MYO16: variants seen among roughly 807,000 people sequenced by gnomAD.
The protein encoded by MYO16 is myosin XVI.
In MYO16, 94 loss-of-function variants were observed where a neutral mutation model predicts 205.3. The observed-to-expected ratio is 0.46, with a 90% CI of 0.39 to 0.54. The LOEUF is 0.54. Among genes scored for constraint, MYO16 ranks in the 20% least tolerant of loss-of-function variants. MYO16 has a pLI of 0.00. For synonymous variants in MYO16, 988 were observed against 954.0 expected, an observed-to-expected ratio of 1.04 and a Z score of -0.66; for missense variants, 2,315 against 2,387.5, an observed-to-expected ratio of 0.97 and a Z score of 0.63.
chr13:108,857,131 G>A (rs1878222442), intron 11 of MYO16, among the ~76,000 whole-genome samples: 1 of 152,024 alleles, frequency 6.6e-6, no homozygotes, highest in African/African-American at 2.4e-5. Flanking sequence ...TTATCTTTCT[G>A]CTCCACAAAA....
At chr13:109,030,117 A>T (rs1886501784) in intron 23 of MYO16, among the ~76,000 whole-genome samples, 1 of 151,126 alleles carries the variant, frequency 6.6e-6, no homozygotes, top group Non-Finnish European at 1.5e-5. Flanking sequence ...GTTCCTAATA[A>T]CCTTCTTTGT....
intron 27 of MYO16, among the ~76,000 whole-genome samples, chr13:109,099,107 A>G (rs915258321): frequency 6.6e-6 from 1 of 152,100 alleles, no homozygotes; most frequent in Non-Finnish European, 1.5e-5. Flanking sequence ...CCTCATCTTC[A>G]AGGCTCTCGT....
the MYO16 span, among the ~76,000 whole-genome samples, chr13:108,519,077 A>C: frequency 6.6e-6 from 1 of 152,200 alleles, no homozygotes. Context: ...ATAGAAAAAA[A>C]AAGAAATTGT....
At chr13:108,662,664 A>C (rs988393657) in intron 1 of MYO16, among the ~76,000 whole-genome samples, 1 of 152,142 alleles carries the variant, frequency 6.6e-6, no homozygotes, top group African/African-American at 2.4e-5. Flanking sequence ...GGTGGAGGGC[A>C]AGATGGGTTT....
At chr13:108,802,566 C>T (rs1886999209) in intron 6 of MYO16, among the ~76,000 whole-genome samples, 1 of 152,164 alleles carries the variant, frequency 6.6e-6, no homozygotes, top group Non-Finnish European at 1.5e-5. Flanking sequence ...TATGACATAG[C>T]AACTTCCATT....
chr13:108,520,777 C>G, the MYO16 span, among the ~76,000 whole-genome samples: 6 of 152,158 alleles, frequency 3.9e-5, no homozygotes, highest in African/African-American at 1.2e-4. Context: ...GTGCAGTGAT[C>G]ACATTGAACT....
At chr13:109,099,535 G>A (rs921751405) in intron 27 of MYO16, among the ~76,000 whole-genome samples, 2 of 152,242 alleles carry the variant, frequency 1.3e-5, no homozygotes, top group African/African-American at 2.4e-5. Flanking sequence ...CCACCCTCAT[G>A]ACTTAATCAC....
intron 24 of MYO16, among the ~76,000 whole-genome samples, chr13:109,048,068 C>CTCTA (rs199561213): frequency 0.035 from 5,315 of 151,578 alleles, 132 homozygotes; most frequent in South Asian, 0.056. Context: ...TAATGCACTT[C>CTCTA]TCTTTTATGG....
intron 14 of MYO16, among the ~76,000 whole-genome samples, chr13:108,895,079 TTAA>T (rs1228684995): frequency 2.0e-5 from 3 of 152,138 alleles, no homozygotes; most frequent in Non-Finnish European, 4.4e-5. Context: ...ATCGATTGAG[TTAA>T]TATTTTTTAT....
chr13:108,706,815 G>A (rs1883527598), intron 2 of MYO16, among the ~76,000 whole-genome samples: 1 of 152,134 alleles, frequency 6.6e-6, no homozygotes, highest in Non-Finnish European at 1.5e-5. Context: ...AGTTGAGTGG[G>A]AAAAAAGAAG....
At chr13:109,073,407 G>A (rs1206410483) in intron 27 of MYO16, among the ~76,000 whole-genome samples, 1 of 133,092 alleles carries the variant, frequency 7.5e-6, no homozygotes, top group South Asian at 2.6e-4. Flanking sequence ...CACTGCACAC[G>A]GCCTGTGGAA....
intron 2 of MYO16, among the ~76,000 whole-genome samples, chr13:108,703,887 G>T (rs542174807): frequency 3.2e-4 from 49 of 152,206 alleles, no homozygotes; most frequent in African/African-American, 1.2e-3. Flanking sequence ...TGGGAACAGG[G>T]CATTTAAGGA....
the MYO16 span, among the ~76,000 whole-genome samples, chr13:108,510,273 C>T: frequency 9.2e-5 from 14 of 151,794 alleles, no homozygotes; most frequent in African/African-American, 2.7e-4. Context: ...CCCGCCATCA[C>T]GCCCGGCTAA....
At chr13:109,092,729 TAAAA>T (rs542654711) in intron 27 of MYO16, among the ~76,000 whole-genome samples, 1 of 152,122 alleles carries the variant, frequency 6.6e-6, no homozygotes, top group Non-Finnish European at 1.5e-5. Context: ...AAATAAAAGT[TAAAA>T]AAAGTCACCA....
At chr13:108,737,770 C>A (rs973507140) in intron 4 of MYO16, among the ~76,000 whole-genome samples, 1 of 152,118 alleles carries the variant, frequency 6.6e-6, no homozygotes, top group South Asian at 2.1e-4. Flanking sequence ...TAGTCCTGGA[C>A]CTTTTTTGGT....
chr13:109,068,438 G>A (rs1383831426), intron 27 of MYO16, among the ~76,000 whole-genome samples: 1 of 152,128 alleles, frequency 6.6e-6, no homozygotes, highest in Non-Finnish European at 1.5e-5. Flanking sequence ...TTACTTTCTG[G>A]AACTGCTGGT....
intron 33 of MYO16, among the ~76,000 whole-genome samples, chr13:109,173,363 T>G (rs1878996626): frequency 6.6e-6 from 1 of 152,192 alleles, no homozygotes; most frequent in Non-Finnish European, 1.5e-5. Context: ...CTCTGTTACT[T>G]TCCACATAGA....
intron 16 of MYO16, among the ~76,000 whole-genome samples, chr13:108,925,256 T>G (rs1881941591): frequency 6.6e-6 from 1 of 152,172 alleles, no homozygotes. Flanking sequence ...GTGGTGTGTT[T>G]GCTTTCAGGA....
intron 1 of MYO16, among the ~76,000 whole-genome samples, chr13:108,609,057 A>G (rs936819443): frequency 2.6e-5 from 4 of 152,110 alleles, no homozygotes; most frequent in African/African-American, 7.2e-5. Context: ...ACTCTTCACA[A>G]TCTCTCTTCC....
Sources: allele counts gnomAD v4.1 joint callset (sites outside exome capture counted in the v4.1 genomes callset), GRCh38; gene constraint gnomAD v4.1.1; transcripts MANE v1.5; gene names NCBI Gene and HGNC (gene_info 2026-07-23, HGNC 2026-07-21).